Variants in ARHGAP44 observed in about 807,000 individuals in gnomAD.
ARHGAP44 encodes the protein Rho GTPase activating protein 44, also known as rho GTPase-activating protein 44.
In ARHGAP44, 43 loss-of-function variants were observed where a neutral mutation model predicts 106.8. The ratio of observed to expected loss-of-function variants is 0.40; its 90% CI spans 0.32 to 0.52. ARHGAP44 has a LOEUF of 0.52. Ranked by LOEUF, ARHGAP44 falls within the 20% of genes least tolerant of loss-of-function variation. The probability of loss-of-function intolerance (pLI) is 0.48; values close to 1 mark genes in which losing one functional copy is unlikely to be tolerated. For missense variants in ARHGAP44, 866 were observed against 1,050.5 expected (o/e 0.82, Z 2.43); for synonymous variants, 439 against 410.3 (o/e 1.07, Z -0.85).
chr17:12,943,990 G>C, intron 9 of ARHGAP44, 79 bp from the exon 10 acceptor site: 1 of 1,467,076 alleles, frequency 6.8e-7, no homozygotes, highest in Non-Finnish European at 9.1e-7. Flanking sequence ...GGAGAATCTG[G>C]ACAACAAAGG....
At chr17:12,856,012 T>G (rs2035900049) in intron 1 of ARHGAP44, among the ~76,000 whole-genome samples, 1 of 152,216 alleles carries the variant, frequency 6.6e-6, no homozygotes, top group Non-Finnish European at 1.5e-5. Flanking sequence ...TTAAAAGGAC[T>G]CAGCAGTAGA....
intron 16 of ARHGAP44, among the ~76,000 whole-genome samples, chr17:12,971,628 T>C (rs2039529468): frequency 6.6e-6 from 1 of 152,212 alleles, no homozygotes; most frequent in African/African-American, 2.4e-5. Context: ...GTAACCAGAC[T>C]GTGTCCCAGA....
At chr17:12,882,755 A>G (rs375726659) in intron 1 of ARHGAP44, among the ~76,000 whole-genome samples, 79 of 152,174 alleles carry the variant, frequency 5.2e-4, no homozygotes, top group East Asian at 4.2e-3. Context: ...CTAAAGTTAA[A>G]CCATTCTTAC....
chr17:12,851,941 T>C (rs1007102359), intron 1 of ARHGAP44, among the ~76,000 whole-genome samples: 1 of 151,678 alleles, frequency 6.6e-6, no homozygotes, highest in African/African-American at 2.4e-5. Flanking sequence ...AATCAGTTGG[T>C]ATAAAAATGA....
intron 20 of ARHGAP44, 62 bp downstream of exon 20, chr17:12,984,970 AG>A: frequency 6.5e-7 from 1 of 1,528,076 alleles, no homozygotes. Flanking sequence ...TGCCTAGGGG[AG>A]GGATTGCTAG....
At chr17:12,926,496 T>C (rs1170470630) in intron 6 of ARHGAP44, among the ~76,000 whole-genome samples, 5 of 143,344 alleles carry the variant, frequency 3.5e-5, no homozygotes, top group East Asian at 2.1e-4. Context: ...ATGTATAATA[T>C]ATGTATATAT....
chr17:12,932,972 A>G (rs990129263), intron 7 of ARHGAP44, among the ~76,000 whole-genome samples: 1 of 152,156 alleles, frequency 6.6e-6, no homozygotes, highest in Non-Finnish European at 1.5e-5. Flanking sequence ...CCATTTTATT[A>G]TATGAACTTT....
Position 12,825,021 on chromosome 17 carries a change from C to T in ARHGAP44, c.53+35130C>T, listed in dbSNP as rs74253577. 4.9e-3 allele frequency among the ~76,000 whole-genome samples: 748 copies of T among 151,962 alleles called. 26 individuals carry two copies. In the East Asian group the frequency reaches 0.071, roughly 14 times the overall value. On this transcript the variant is annotated intron_variant, in intron 1 of 20. Coordinates refer to ENST00000379672, the MANE Select transcript of ARHGAP44 (RefSeq NM_014859.6). ...TTATCTTAGTTTCTAACTACATGCT[C>T]ATTTATATGATTATTTGATTACTAT...
intron 1 of ARHGAP44, among the ~76,000 whole-genome samples, chr17:12,835,443 G>A (rs570639058): frequency 6.6e-6 from 1 of 152,228 alleles, no homozygotes; most frequent in African/African-American, 2.4e-5. Context: ...ATAAAAGTTG[G>A]TAAATAAAAA....
At chr17:12,884,611 A>G (rs896426353) in intron 1 of ARHGAP44, among the ~76,000 whole-genome samples, 15 of 152,190 alleles carry the variant, frequency 9.9e-5, no homozygotes, top group Admixed American at 6.5e-5. Context: ...ACATAGATTT[A>G]TGTAACCTCC....
At chr17:12,970,365 C>CAAAAAAAAAAAAAA (rs66577680) in intron 16 of ARHGAP44, among the ~76,000 whole-genome samples, 3 of 55,180 alleles carry the variant, frequency 5.4e-5, no homozygotes, top group Non-Finnish European at 8.4e-5. Flanking sequence ...GACCCTGTCT[C>CAAAAAAAAAAAAAA]AAAAAAAAAA....
chr17:12,879,979 G>T (rs1402124152), intron 1 of ARHGAP44, among the ~76,000 whole-genome samples: 1 of 151,756 alleles, frequency 6.6e-6, no homozygotes, highest in East Asian at 1.9e-4. Context: ...GAGAGGGGTT[G>T]GTCTTACTGT....
intron 1 of ARHGAP44, among the ~76,000 whole-genome samples, chr17:12,860,085 AAAGGCATGCCCAC>A (rs150916127): frequency 0.12 from 18,192 of 152,186 alleles, 1,360 homozygotes; most frequent in African/African-American, 0.21. Context: ...TTGGCATATC[AAAGGCATGCCCAC>A]AAGTGAGTTA....
intron 13 of ARHGAP44, 123 bp from the exon 14 acceptor site, chr17:12,955,744 T>G: frequency 1.6e-6 from 1 of 617,228 alleles, no homozygotes; most frequent in Non-Finnish European, 2.9e-6. Context: ...TTCATTACAT[T>G]GCAGGTGCAC....
chr17:12,809,883 G>C (rs1452952575), intron 1 of ARHGAP44, among the ~76,000 whole-genome samples: 2 of 152,166 alleles, frequency 1.3e-5, no homozygotes, highest in Non-Finnish European at 2.9e-5. Context: ...TTGGGCAAAG[G>C]GTGCTTGTGC....
At chr17:12,852,530 C>G (rs1274210917) in intron 1 of ARHGAP44, among the ~76,000 whole-genome samples, 1 of 147,214 alleles carries the variant, frequency 6.8e-6, no homozygotes, top group Non-Finnish European at 1.5e-5. Context: ...TTTCTATTCT[C>G]TTTGGTTTGT....
chr17:12,856,428 G>A (rs79157467), intron 1 of ARHGAP44, among the ~76,000 whole-genome samples: 1,911 of 152,220 alleles, frequency 0.013, 39 homozygotes, highest in African/African-American at 0.042. Flanking sequence ...CTACAGGTAG[G>A]CTTAGAGCAA....
chr17:12,949,033 A>G lies in ARHGAP44; in HGVS notation c.862-107A>G. The G allele has an allele frequency of 9.1e-7, 1 of 1,101,372 alleles. No homozygotes were observed. Among genetic ancestry groups the G allele is most frequent in the South Asian group, 1.4e-5 (1 of 73,842 alleles). The allele number at this position is 1,101,372 out of a possible 1,614,324, so 68.2% of individuals were successfully genotyped here. The stretch of plus-strand genomic sequence containing the variant: ...GGGATTGGGAGATGGTGTTGGGCAA[A>G]TGCATGTAAGAGGTTTTGGAGAAAA... On this transcript the variant is annotated intron_variant, in intron 10 of 20. Coordinates refer to ENST00000379672, the MANE Select transcript of ARHGAP44 (RefSeq NM_014859.6). This position sits in a 1 kb window ranked among gnomAD's most constrained non-coding sequence, Gnocchi z 4.1.
intron 18 of ARHGAP44, among the ~76,000 whole-genome samples, chr17:12,976,746 C>T (rs905791427): frequency 3.9e-5 from 6 of 152,050 alleles, no homozygotes; most frequent in Admixed American, 3.3e-4. Flanking sequence ...ATGACTTCAA[C>T]TCAGAGGATG....
Sources: gnomAD v4.1 joint callset for allele counts (sites outside exome capture counted in the v4.1 genomes callset) on GRCh38, gnomAD v4.1.1 for gene constraint, Gnocchi (gnomAD v3.1) non-coding constraint, MANE v1.5 for transcripts, NCBI Gene and HGNC (gene_info 2026-07-23, HGNC 2026-07-21) for gene names.